The following KMT2A variants were observed in gnomAD, a reference collection of about 807,000 sequenced individuals.
KMT2A encodes the protein histone-lysine N-methyltransferase 2A.
KMT2A carries 16 observed loss-of-function variants against 345.3 expected under a neutral mutation model. That is an observed-to-expected ratio of 0.05 (90% CI 0.03 to 0.07). KMT2A has a LOEUF of 0.07. Among genes scored for constraint, KMT2A ranks in the 10% least tolerant of loss-of-function variants. The pLI is 1.00. For missense variants in KMT2A, 3,272 were observed against 4,841.6 expected (o/e 0.68, Z 9.62); for synonymous variants, 1,599 against 1,778.6 (o/e 0.90, Z 2.54).
Position 118,468,733 on chromosome 11 carries a change from C to A in KMT2A, c.433-42C>A, listed in dbSNP as rs781852802. 6 of 1,523,062 alleles carry A rather than the reference C, an allele frequency of 3.9e-6. No individual in the cohort carries two copies. The African/African-American group carries it at 8.2e-5, about 21-fold the overall frequency. 94.3% of individuals were successfully genotyped at this position (1,523,062 alleles called of 1,614,324 possible). On this transcript the variant is annotated intron_variant, in intron 1 of 35. Coordinates refer to ENST00000534358, the MANE Select transcript of KMT2A (RefSeq NM_001197104.2). ...TTTCTTTGGGATGTGTTTGTATGCA[C>A]GTTTTTGCTTCTGATTTTAAAATAA...
Position 118,436,807 on chromosome 11 carries a change from G to A in KMT2A, c.295G>A (p.Ala99Thr). Residue 99 changes from alanine (A) to threonine (T), a missense_variant, in exon 1 of 36, where the codon GCC (alanine) becomes ACC (threonine). This residue lies in a region of KMT2A where 412 missense variants were observed against 511.0 expected (regional missense o/e 0.81). Coordinates refer to ENST00000534358, the MANE Select transcript of KMT2A (RefSeq NM_001197104.2). This position sits in a 1 kb window ranked among gnomAD's most constrained non-coding sequence, Gnocchi z 6.9. ...GTCTTCGTCTTCGTCATCGTCCTCA[G>A]CCTCTTCAGGGCCGGCCCTGCTCCG... ...ASSSSSSSSS[A>T]SSGPALLRVG... The A allele has an allele frequency of 6.2e-7, 1 of 1,609,474 alleles. No homozygotes were observed. Among genetic ancestry groups the A allele is most frequent in the Non-Finnish European group, 8.5e-7 (1 of 1,178,366 alleles).
At position 118,502,839 on chromosome 11, in the gene KMT2A, C is replaced by G; in HGVS notation, c.6947C>G (p.Ser2316Cys). The G allele has an allele frequency of 2.5e-6, 4 of 1,614,162 alleles. No individual in the cohort carries two copies. Among genetic ancestry groups the G allele is most frequent in the Non-Finnish European group, 3.4e-6 (4 of 1,180,042 alleles). ...LKGEKTKVLS[S>C]KSSEGSAHNV... ...GGAGAGAAGACCAAAGTGCTGAGTT[C>G]CAAGAGCTCAGAGGGATCTGCACAT... The change falls in exon 27 of 36, where the codon TCC becomes TGC. Residue 2316 changes from serine (S) to cysteine (C), a missense_variant. Coordinates refer to ENST00000534358, the MANE Select transcript of KMT2A (RefSeq NM_001197104.2). The surrounding 1 kb of genome is among the most constrained non-coding windows in gnomAD (Gnocchi z 4.9).
rs1440973897 is a variant in KMT2A at position 118,525,563 on chromosome 11, A to G, written c.*3391A>G. The G allele has an allele frequency of 3.1e-5, 7 of 223,352 alleles. No individual in the cohort carries two copies. The highest frequency in any genetic ancestry group is 5.7e-5 in the Admixed American group (1 of 17,400). 13.8% of individuals were successfully genotyped at this position (223,352 alleles called of 1,614,324 possible). On this transcript the variant is annotated 3_prime_UTR_variant, in exon 36 of 36. Coordinates refer to ENST00000534358, the MANE Select transcript of KMT2A (RefSeq NM_001197104.2). ...CTCGCCTCCGTCAAACCCCCGGCCAATGCAGTGAGCACCATGTAGCTCCCT... is the reference window on the plus strand; with the variant it reads ...CTCGCCTCCGTCAAACCCCCGGCCAGTGCAGTGAGCACCATGTAGCTCCCT...
chr11:118,515,154 C>T (rs1264258024), intron 31 of KMT2A, among the ~76,000 whole-genome samples: 2 of 152,196 alleles, frequency 1.3e-5, no homozygotes, highest in African/African-American at 2.4e-5. Context: ...AACATGTGCC[C>T]CCAAGCAATT....
chr11:118,492,402 G>A (rs1334271624), intron 15 of KMT2A, among the ~76,000 whole-genome samples: 3 of 152,232 alleles, frequency 2.0e-5, no homozygotes, highest in African/African-American at 2.4e-5. Context: ...ACACGGGGCC[G>A]GGCGCGGTGG....
At chr11:118,518,937 G>A (rs1950890093) in intron 31 of KMT2A, among the ~76,000 whole-genome samples, 1 of 149,368 alleles carries the variant, frequency 6.7e-6, no homozygotes, top group South Asian at 2.1e-4. Context: ...AAATTAGCCA[G>A]GCGTGGTGGC....
Position 118,525,089 on chromosome 11 carries a change from A to C in KMT2A, c.*2917A>C, listed in dbSNP as rs1951053524. 1 of 219,862 alleles carries C rather than the reference A, an allele frequency of 4.5e-6. No homozygotes were observed. Among genetic ancestry groups the C allele is most frequent in the Non-Finnish European group, 9.1e-6 (1 of 109,424 alleles). The allele number at this position is 219,862 out of a possible 1,614,324, so 13.6% of individuals were successfully genotyped here. ...GGGAATAAGCGAAGGTTTCCCTACA[A>C]GAGGGAAAGAAGGCAAAAACGGCAC... On this transcript the variant is annotated 3_prime_UTR_variant, in exon 36 of 36. Transcript: ENST00000534358.
chr11:118,495,643 C>T lies in KMT2A; in HGVS notation c.5364-57C>T. 2 of 1,308,622 alleles carry T rather than the reference C, an allele frequency of 1.5e-6. No homozygotes were observed. Among genetic ancestry groups the T allele is most frequent in the East Asian group, 2.4e-5 (1 of 41,398 alleles). 81.1% of individuals were successfully genotyped at this position (1,308,622 alleles called of 1,614,324 possible). ...GGTGATATCAAGAATTTATTTTATA[C>T]AGTTCTAGGTATACTGTAGGAGTTC... On this transcript the variant is annotated intron_variant, in intron 18 of 35. Coordinates refer to ENST00000534358, the MANE Select transcript of KMT2A (RefSeq NM_001197104.2). The surrounding 1 kb of genome is among the most constrained non-coding windows in gnomAD (Gnocchi z 4.1).
chr11:118,515,583 A>T (rs376170743), intron 31 of KMT2A, among the ~76,000 whole-genome samples: 2 of 151,964 alleles, frequency 1.3e-5, no homozygotes, highest in Non-Finnish European at 2.9e-5. Flanking sequence ...CCACAATAAC[A>T]TTCAGTCATC....
chr11:118,501,831 C>G lies in KMT2A; in HGVS notation c.6479C>G (p.Pro2160Arg). Residue 2160 changes from proline to arginine, a missense_variant, in exon 26 of 36, where the codon CCT (proline) becomes CGT (arginine). By Grantham distance (103) the Pro-to-Arg change is moderately radical. Transcript: ENST00000534358. ...TPSYSPTQRS[P>R]GCRPLPSAGS... is the part of the protein sequence containing the mutation. The stretch of plus-strand genomic sequence containing the variant: ...AGTTATTCTCCAACACAGAGATCCC[C>G]TGGCTGTCGACCGTTGCCTTCTGCA... 6.2e-7 allele frequency: 1 copy of G among 1,613,630 alleles called. No homozygotes were observed. Among genetic ancestry groups the G allele is most frequent in the Non-Finnish European group, 8.5e-7 (1 of 1,179,860 alleles).
At position 118,523,951 on chromosome 11, in the gene KMT2A, A is replaced by AAC. The variant is rs1565321207; in HGVS notation, c.*1779_*1780insAC. 9.8e-6 allele frequency: 2 copies of AAC among 203,272 alleles called. No homozygotes were observed. Among genetic ancestry groups the AAC allele is most frequent in the African/African-American group, 4.6e-5 (2 of 43,598 alleles). The allele number at this position is 203,272 out of a possible 1,614,324, so 12.6% of individuals were successfully genotyped here. ...CTACAGTAATATCTTGATACAACAG[A>AAC]TTCTCTTCTTTCCCGCCTCTCTCCT... is the stretch of plus-strand genomic sequence containing the variant. On this transcript the variant is annotated 3_prime_UTR_variant, in exon 36 of 36. Coordinates refer to ENST00000534358, the MANE Select transcript of KMT2A (RefSeq NM_001197104.2).
chr11:118,438,183 A>G (rs1336826040), intron 1 of KMT2A, among the ~76,000 whole-genome samples: 1 of 152,094 alleles, frequency 6.6e-6, no homozygotes, highest in African/African-American at 2.4e-5. Context: ...AGGATTATCA[A>G]GCAAAGTTAT....
Position 118,471,960 on chromosome 11 carries a change from C to T in KMT2A, c.801C>T (p.Ala267=). Residue 267 remains alanine (A), a synonymous_variant, in exon 3 of 36, where the codon GCC becomes GCT. Transcript: ENST00000534358. ...CACCTTCTGCTACGTTTCAGCAAGC[C>T]ACAAAGATTAAAAAATTAAGAGCAG... ...KRTPSATFQQ[A]TKIKKLRAGK... The T allele has an allele frequency of 6.2e-7, 1 of 1,614,098 alleles. No individual in the cohort carries two copies.
rs1555046517 is a variant in KMT2A at position 118,503,225 on chromosome 11, T to A, written c.7333T>A (p.Ser2445Thr). ...SCKETFKEKH[S>T]SKSFLEPGQV... ...TAAAGAAACTTTCAAAGAAAAGCAT[T>A]CCAGTAAATCTTTTTTGGAACCTGG... The change falls in exon 27 of 36, where the codon TCC becomes ACC. Residue 2445 changes from serine (S) to threonine (T), a missense_variant. Ser to Thr is a moderately conservative substitution (Grantham distance 58, BLOSUM62 1). Coordinates refer to ENST00000534358, the MANE Select transcript of KMT2A (RefSeq NM_001197104.2). This position sits in a 1 kb window ranked among gnomAD's most constrained non-coding sequence, Gnocchi z 5.3. The A allele has an allele frequency of 1.7e-5, 27 of 1,614,016 alleles. No individual in the cohort carries two copies. The highest frequency in any genetic ancestry group is 2.2e-5 in the Non-Finnish European group (26 of 1,179,980).
intron 22 of KMT2A, 69 bp from the exon 23 acceptor site, chr11:118,499,234 A>G: frequency 1.0e-6 from 1 of 957,980 alleles, no homozygotes. Flanking sequence ...CCACTCTGAG[A>G]CAGTCAGGAT....
At position 118,473,352 on chromosome 11, in the gene KMT2A, A is replaced by C; in HGVS notation, c.2193A>C (p.Val731=). 6 of 1,614,032 alleles carry C rather than the reference A, an allele frequency of 3.7e-6. No homozygotes were observed. The highest frequency in any genetic ancestry group is 5.1e-6 in the Non-Finnish European group (6 of 1,179,986). Residue 731 remains valine, a synonymous_variant, in exon 3 of 36, where the codon GTA becomes GTC. Coordinates refer to ENST00000534358, the MANE Select transcript of KMT2A (RefSeq NM_001197104.2). This position sits in a 1 kb window ranked among gnomAD's most constrained non-coding sequence, Gnocchi z 5.2. ...RTSAGTSSSG[V]SNRKRKRKVF... ...CTGCTGGAACATCTTCTTCAGGAGT[A>C]TCCAATAGAAAAAGGAAAAGAAAAG... is the stretch of plus-strand genomic sequence containing the variant.
At position 118,522,683 on chromosome 11, in the gene KMT2A, C is replaced by G. The variant is rs1555053993; in HGVS notation, c.*511C>G. On this transcript the variant is annotated 3_prime_UTR_variant, in exon 36 of 36. Coordinates refer to ENST00000534358, the MANE Select transcript of KMT2A (RefSeq NM_001197104.2). The surrounding 1 kb of genome is among the most constrained non-coding windows in gnomAD (Gnocchi z 5.4). The stretch of plus-strand genomic sequence containing the variant: ...GAGGTCTGGTGGTTTTCCCTACTAT[C>G]CTCCCACTCGAGAGTTCACTTCTGG... 9.1e-6 allele frequency: 2 copies of G among 218,630 alleles called. No homozygotes were observed. The allele number at this position is 218,630 out of a possible 1,614,324, so 13.5% of individuals were successfully genotyped here. A position where few individuals can be genotyped will look rare whatever the true frequency, so the allele number is the denominator to read the frequency against.
intron 1 of KMT2A, among the ~76,000 whole-genome samples, chr11:118,442,844 T>C (rs1183502137): frequency 6.6e-6 from 1 of 152,120 alleles, no homozygotes; most frequent in Non-Finnish European, 1.5e-5. Flanking sequence ...CAAAATACAG[T>C]ATGTTCTTTA....
At chr11:118,466,908 A>T (rs1949854340) in intron 1 of KMT2A, among the ~76,000 whole-genome samples, 1 of 152,192 alleles carries the variant, frequency 6.6e-6, no homozygotes, top group Admixed American at 6.5e-5. Context: ...AAAGTACTCC[A>T]GTAAGCCAGG....
Sources: gnomAD v4.1 joint callset for allele counts (sites outside exome capture counted in the v4.1 genomes callset) on GRCh38, gnomAD v4.1.1 for gene constraint, gnomAD v4.1.1 regional missense constraint, Gnocchi (gnomAD v3.1) non-coding constraint, MANE v1.5 for transcripts, NCBI Gene and HGNC (gene_info 2026-07-23, HGNC 2026-07-21) for gene names.